Variants in RUNX3 observed in about 807,000 individuals in gnomAD.
RUNX3 encodes RUNX family transcription factor 3.
Under a neutral mutation model 27.7 loss-of-function variants are expected in RUNX3, and 10 were observed. The ratio of observed to expected loss-of-function variants is 0.36; its 90% CI spans 0.22 to 0.61. The LOEUF (loss-of-function observed/expected upper bound fraction) is 0.61. Ranked by LOEUF, RUNX3 falls within the 20% of genes least tolerant of loss-of-function variation. The pLI is 0.72. For synonymous variants in RUNX3, 270 were observed against 269.2 expected (o/e 1.00, Z -0.03); for missense variants, 469 against 629.5 (o/e 0.75, Z 2.73).
chr1:24,934,773 C>T (rs1158472902), upstream of RUNX3, among the ~76,000 whole-genome samples: 1 of 152,138 alleles, frequency 6.6e-6, no homozygotes, highest in Non-Finnish European at 1.5e-5. Flanking sequence ...TCAGCACTCT[C>T]CTCCTAGTGG....
intron 1 of RUNX3, chr1:24,929,082 A>G (rs1177802466): frequency 4.4e-6 from 2 of 458,480 alleles, no homozygotes; most frequent in East Asian, 6.9e-5. Flanking sequence ...TCTGGAGAGC[A>G]GTGCCCCGAT....
intron 2 of RUNX3, among the ~76,000 whole-genome samples, chr1:24,963,594 C>G (rs1642176562): frequency 6.6e-6 from 1 of 152,188 alleles, no homozygotes; most frequent in Non-Finnish European, 1.5e-5. Flanking sequence ...CCTAAGGTCT[C>G]TCAGCAAGGA....
Position 24,929,512 on chromosome 1 carries a change from G to A in RUNX3, c.282+75C>T, listed in dbSNP as rs779198179. 7 of 1,428,626 alleles carry A rather than the reference G, an allele frequency of 4.9e-6. No individual in the cohort carries two copies. The East Asian group carries it at 1.2e-4, about 25-fold the overall frequency. The allele number at this position is 1,428,626 out of a possible 1,614,324, so 88.5% of individuals were successfully genotyped here. A position where few individuals can be genotyped will look rare whatever the true frequency, so the allele number is the denominator to read the frequency against. On this transcript the variant is annotated intron_variant, in intron 1 of 4. Transcript: ENST00000308873. ...GGCACCTCCCATCCCCACTGCTCCC[G>A]AGGCTCTGGCTCCCGCAGCTCAGAC...
In RUNX3 at chr1:24,953,820, C is replaced by A. The variant is rs189619825; in HGVS notation, c.58+10694G>T. Among the ~76,000 whole-genome samples the A allele has an allele frequency of 5.1e-4, 77 of 152,318 alleles. 1 individual carries two copies. The East Asian group carries it at 0.01, about 20-fold the overall frequency. On this transcript the variant is annotated intron_variant, in intron 2 of 6. Transcript: ENST00000338888. ...TGGACTGAAGTATAATCCAACTATTCCGAAATCTGACAAAATCAGAAGTCC... is the reference window on the plus strand; with the variant it reads ...TGGACTGAAGTATAATCCAACTATTACGAAATCTGACAAAATCAGAAGTCC...
Position 24,904,448 on chromosome 1 carries a change from A to C in RUNX3, c.704-1782T>G, listed in dbSNP as rs1401138810. On this transcript the variant is annotated intron_variant, in intron 4 of 4. Coordinates refer to ENST00000308873, the MANE Select transcript of RUNX3 (RefSeq NM_004350.3). This position sits in a 1 kb window ranked among gnomAD's most constrained non-coding sequence, Gnocchi z 5.7. ...GCGGGGGCCTTCTGGGACATCTGGG[A>C]TGTTCCCTAGTAGGTCACTTGGCTG... Among the ~76,000 whole-genome samples the C allele has an allele frequency of 6.6e-6, 1 of 152,104 alleles. No homozygotes were observed. Among genetic ancestry groups the C allele is most frequent in the African/African-American group, 2.4e-5 (1 of 41,428 alleles).
At chr1:24,958,563 G>A (rs149907353) in intron 2 of RUNX3, among the ~76,000 whole-genome samples, 6 of 152,302 alleles carry the variant, frequency 3.9e-5, no homozygotes, top group South Asian at 2.1e-4. Flanking sequence ...CCCTAGGCCC[G>A]AGATTCCCAT....
chr1:24,964,728 C>CT (rs369891367), intron 1 of RUNX3: 1 of 1,468,676 alleles, frequency 6.8e-7, no homozygotes, highest in Non-Finnish European at 9.0e-7. Context: ...GTTTTTGTCT[C>CT]TTTTTTCCCC....
upstream of RUNX3, chr1:24,930,401 G>T (rs1295460695): frequency 3.7e-5 from 8 of 218,526 alleles, no homozygotes; most frequent in Non-Finnish European, 6.2e-5. The surrounding 1 kb of genome is among the most constrained non-coding windows in gnomAD (Gnocchi z 4.1). Context: ...CGTTCGCGGG[G>T]AGGAACGGGG....
At position 24,919,307 on chromosome 1, in the gene RUNX3, G is replaced by A. The variant is rs770051558; in HGVS notation, c.477C>T (p.Asn159=). ...SFTLTITVFT[N]PTQVATYHRA... ...GGTGGTAGGTCGCCACTTGGGTGGG[G>A]TTGGTGAACACAGTGATGGTCAGGG... is the stretch of plus-strand genomic sequence containing the variant. The change falls in exon 3 of 5, where the codon AAC becomes AAT. Residue 159 remains asparagine (N), a synonymous_variant. Coordinates refer to ENST00000308873, the MANE Select transcript of RUNX3 (RefSeq NM_004350.3). 1.1e-5 allele frequency: 17 copies of A among 1,609,000 alleles called. No individual in the cohort carries two copies. In the East Asian group the frequency reaches 3.9e-4, roughly 36 times the overall value.
chr1:24,964,310 G>A (rs751365443), intron 2 of RUNX3, among the ~76,000 whole-genome samples: 7 of 152,164 alleles, frequency 4.6e-5, no homozygotes, highest in Non-Finnish European at 1.0e-4. Flanking sequence ...CCCCACCAGC[G>A]GAGGATGAAA....
intron 2 of RUNX3, among the ~76,000 whole-genome samples, chr1:24,960,002 C>T (rs993245360): frequency 6.6e-6 from 1 of 152,198 alleles, no homozygotes; most frequent in African/African-American, 2.4e-5. Flanking sequence ...TACCTCTTTA[C>T]CCTTAGGGAC....
At chr1:24,942,006 TG>T (rs1385815923) in intron 2 of RUNX3, among the ~76,000 whole-genome samples, 2 of 151,598 alleles carry the variant, frequency 1.3e-5, no homozygotes, top group Admixed American at 1.3e-4. Context: ...AGACCTGGGG[TG>T]GGGGGCCCTC....
rs1216504888 is a variant in RUNX3, at chr1:24,923,336, G to C, written c.440-3992C>G. Among the ~76,000 whole-genome samples the C allele has an allele frequency of 1.3e-5, 2 of 152,090 alleles. No individual in the cohort carries two copies. Among genetic ancestry groups the C allele is most frequent in the Non-Finnish European group, 2.9e-5 (2 of 67,998 alleles). On this transcript the variant is annotated intron_variant, in intron 2 of 4. Transcript: ENST00000308873. The surrounding 1 kb of genome is among the most constrained non-coding windows in gnomAD (Gnocchi z 5.9). Reference sequence around the variant, plus strand: ...GGGTGGGAGAAAGCTGTCTCCCTGAGTGCCCCTCAGCTACCCCGGCCCTGC... The same window carrying C: ...GGGTGGGAGAAAGCTGTCTCCCTGACTGCCCCTCAGCTACCCCGGCCCTGC...
intron 2 of RUNX3, among the ~76,000 whole-genome samples, chr1:24,947,835 G>A (rs1023302090): frequency 2.6e-5 from 4 of 152,186 alleles, no homozygotes; most frequent in East Asian, 1.9e-4. Flanking sequence ...TCTGCCAGGC[G>A]AGGGACCCAG....
At chr1:24,903,036 C>T (rs552583112) in intron 4 of RUNX3, among the ~76,000 whole-genome samples, 1 of 152,336 alleles carries the variant, frequency 6.6e-6, no homozygotes, top group African/African-American at 2.4e-5. Flanking sequence ...CCCAGCAGCC[C>T]TGCCCAGGCA....
At chr1:24,907,117 A>G in intron 4 of RUNX3, 142 bp downstream of exon 4, 1 of 820,328 alleles carries the variant, frequency 1.2e-6, no homozygotes, top group Non-Finnish European at 1.9e-6. Context: ...GCAGGTGCCA[A>G]TGAGCACCAG....
At chr1:24,912,149 G>C (rs933144381) in intron 3 of RUNX3, among the ~76,000 whole-genome samples, 1 of 152,242 alleles carries the variant, frequency 6.6e-6, no homozygotes, top group Non-Finnish European at 1.5e-5. Flanking sequence ...CAAGAGCTGC[G>C]TGGGGAGCTC....
rs138391238 is a variant in RUNX3, at chr1:24,940,397, C to T, written c.59-10545G>A. On this transcript the variant is annotated intron_variant, in intron 2 of 6. Transcript: ENST00000338888. Reference sequence around the variant, plus strand: ...TCAGAGCATACCAGCTCTGGGTTCCCACCTTGCCATCTGCATGACCTTGGC... The same window carrying T: ...TCAGAGCATACCAGCTCTGGGTTCCTACCTTGCCATCTGCATGACCTTGGC... Among the ~76,000 whole-genome samples, 1,003 of 152,304 alleles carry T rather than the reference C, an allele frequency of 6.6e-3. 8 individuals carry two copies. Among genetic ancestry groups the T allele is most frequent in the African/African-American group, 0.023 (957 of 41,540 alleles).
intron 2 of RUNX3, among the ~76,000 whole-genome samples, chr1:24,946,875 C>G (rs902454436): frequency 2.0e-5 from 3 of 152,174 alleles, no homozygotes; most frequent in Non-Finnish European, 4.4e-5. Flanking sequence ...TTGTCTACAC[C>G]CAAGGCCTCA....
Sources: allele counts gnomAD v4.1 joint callset (sites outside exome capture counted in the v4.1 genomes callset), GRCh38; gene constraint gnomAD v4.1.1; non-coding constraint Gnocchi (gnomAD v3.1); transcripts MANE v1.5; gene names NCBI Gene and HGNC (gene_info 2026-07-23, HGNC 2026-07-21).